MALRD1: variants seen among roughly 807,000 people sequenced by gnomAD.
MALRD1 encodes the protein MAM and LDL receptor class A domain containing 1, also known as MAM and LDL-receptor class A domain-containing protein 1.
A neutral mutation model predicts 242.1 loss-of-function variants in MALRD1; 247 were observed. That is an observed-to-expected ratio of 1.02 (90% confidence interval 0.92 to 1.13). MALRD1 has a LOEUF of 1.13. Ranked by LOEUF, MALRD1 falls within the 50% of genes most tolerant of loss-of-function variation. The probability of loss-of-function intolerance (pLI) is 0.00; values close to 1 mark genes in which losing one functional copy is unlikely to be tolerated. For missense variants in MALRD1, 2,989 were observed against 2,533.1 expected, an observed-to-expected ratio of 1.18 and a Z score of -3.86; for synonymous variants, 995 against 866.6, an observed-to-expected ratio of 1.15 and a Z score of -2.60.
chr10:19,648,767 G>T (rs1344340762), intron 36 of MALRD1, among the ~76,000 whole-genome samples: 3 of 152,086 alleles, frequency 2.0e-5, no homozygotes, highest in Non-Finnish European at 1.5e-5. Flanking sequence ...ATAGTTTTGG[G>T]AGTAAATGTG....
chr10:19,389,436 C>A lies in MALRD1; in HGVS notation c.4688-16C>A. 6.5e-7 allele frequency: 1 copy of A among 1,548,684 alleles called. No individual in the cohort carries two copies. Among genetic ancestry groups the A allele is most frequent in the African/African-American group, 1.4e-5 (1 of 73,094 alleles). ...TTGTTATTTCGTTCTTCTCTGAATTCTGTCCTTGTTCCTAGGGCACTTCAT... is the reference window on the plus strand; with the variant it reads ...TTGTTATTTCGTTCTTCTCTGAATTATGTCCTTGTTCCTAGGGCACTTCAT... On this transcript the variant is annotated splice_polypyrimidine_tract_variant and intron_variant, in intron 27 of 39. Coordinates refer to ENST00000454679, the MANE Select transcript of MALRD1 (RefSeq NM_001142308.3).
chr10:19,166,661 C>T (rs942866569), intron 13 of MALRD1, among the ~76,000 whole-genome samples: 1 of 152,070 alleles, frequency 6.6e-6, no homozygotes, highest in Non-Finnish European at 1.5e-5. Flanking sequence ...ACATTATATG[C>T]ATGTATCAAA....
intron 36 of MALRD1, among the ~76,000 whole-genome samples, chr10:19,670,913 C>T (rs959572034): frequency 1.4e-5 from 2 of 143,854 alleles, no homozygotes; most frequent in Non-Finnish European, 3.0e-5. Context: ...GAGTCTTGCT[C>T]TGTTGCCCGG....
At chr10:19,048,319 T>C (rs1834390415), upstream of MALRD1, among the ~76,000 whole-genome samples, 1 of 152,214 alleles carries the variant, frequency 6.6e-6, no homozygotes, top group South Asian at 2.1e-4. Flanking sequence ...CTATGGTTCT[T>C]AATTTATCTC....
chr10:19,383,657 A>G (rs1298126181), intron 26 of MALRD1, among the ~76,000 whole-genome samples: 1 of 152,108 alleles, frequency 6.6e-6, no homozygotes, highest in Admixed American at 6.6e-5. Flanking sequence ...TAATCCTTGT[A>G]ACTCTGAAAG....
At chr10:19,447,069 G>GACAC (rs374350237) in intron 28 of MALRD1, among the ~76,000 whole-genome samples, 26,425 of 141,654 alleles carry the variant, frequency 0.19, 2,710 homozygotes, top group East Asian at 0.31. Flanking sequence ...CACATACACA[G>GACAC]ACACACACAC....
chr10:19,594,740 A>G (rs1564469675), intron 33 of MALRD1, among the ~76,000 whole-genome samples: 1 of 152,166 alleles, frequency 6.6e-6, no homozygotes, highest in East Asian at 1.9e-4. Context: ...GGAATGGAAA[A>G]CTAAATATTG....
In MALRD1 at chr10:19,627,220, TA is replaced by T. The variant is rs533341100; in HGVS notation, c.6137+11298del. 2.1e-3 allele frequency among the ~76,000 whole-genome samples: 317 copies of T among 152,056 alleles called. 2 individuals carry two copies. The highest frequency in any genetic ancestry group is 6.2e-3 in the African/African-American group (258 of 41,502). On this transcript the variant is annotated intron_variant, in intron 36 of 39. Coordinates refer to ENST00000454679, the MANE Select transcript of MALRD1 (RefSeq NM_001142308.3). ...ACTTCAGAATTATTAAAAATATATA[TA>T]GGGGAAAAGCATAAAATTTCTTTGG...
At chr10:19,463,592 A>G (rs113265655) in intron 29 of MALRD1, among the ~76,000 whole-genome samples, 1,500 of 48,578 alleles carry the variant, frequency 0.031, 18 homozygotes, top group African/African-American at 0.084. Flanking sequence ...GTGTGTGTGT[A>G]TATACTCTTT....
At chr10:19,382,189 A>T (rs533516736) in intron 26 of MALRD1, among the ~76,000 whole-genome samples, 2 of 152,048 alleles carry the variant, frequency 1.3e-5, no homozygotes, top group South Asian at 4.1e-4. Flanking sequence ...AAATTCCAAA[A>T]CTCTAGATCA....
chr10:19,583,620 G>T lies in MALRD1; in HGVS notation c.5681-11574G>T, dbSNP rs1221002925. 5.9e-5 allele frequency among the ~76,000 whole-genome samples: 9 copies of T among 152,096 alleles called. No individual in the cohort carries two copies. In the South Asian group the frequency reaches 1.7e-3, roughly 28 times the overall value. On this transcript the variant is annotated intron_variant, in intron 33 of 39. Transcript: ENST00000454679. The stretch of plus-strand genomic sequence containing the variant: ...GCTTTTCGATGTGCTGCTGGATTCG[G>T]TTTGCCAGTATTTTATTGAGGATTT...
At chr10:19,048,091 A>C (rs187218044), upstream of MALRD1, among the ~76,000 whole-genome samples, 20 of 152,316 alleles carry the variant, frequency 1.3e-4, no homozygotes, top group Admixed American at 1.1e-3. Flanking sequence ...GCATCCTGAA[A>C]TCAGGTGTTT....
At chr10:19,426,486 C>A (rs1163648218) in intron 28 of MALRD1, among the ~76,000 whole-genome samples, 1 of 152,118 alleles carries the variant, frequency 6.6e-6, no homozygotes, top group African/African-American at 2.4e-5. Flanking sequence ...ATTTTTCCTA[C>A]TAGCCACATG....
At chr10:19,574,795 G>A (rs1836727321) in intron 33 of MALRD1, among the ~76,000 whole-genome samples, 1 of 152,118 alleles carries the variant, frequency 6.6e-6, no homozygotes, top group Admixed American at 6.5e-5. Flanking sequence ...GAAGGCACAG[G>A]GCATGACATG....
At position 19,275,858 on chromosome 10, in the gene MALRD1, T is replaced by C. The variant is rs145941785; in HGVS notation, c.3080-4189T>C. Reference sequence around the variant, plus strand: ...AAGGTAAGATGATTAATTGTAAATGTCTATTTCCATAAATATACATAATAT... The same window carrying C: ...AAGGTAAGATGATTAATTGTAAATGCCTATTTCCATAAATATACATAATAT... On this transcript the variant is annotated intron_variant, in intron 19 of 39. Transcript: ENST00000454679. Among the ~76,000 whole-genome samples the C allele has an allele frequency of 2.4e-4, 37 of 152,268 alleles. No individual in the cohort carries two copies. The East Asian group carries it at 7.2e-3, about 29-fold the overall frequency.
At chr10:19,515,925 A>G (rs61841394) in intron 31 of MALRD1, among the ~76,000 whole-genome samples, 31,394 of 152,092 alleles carry the variant, frequency 0.21, 5,014 homozygotes, top group African/African-American at 0.45. Context: ...GACATCATTC[A>G]CATGGGAATT....
At chr10:19,605,810 A>G (rs1219637865) in intron 34 of MALRD1, among the ~76,000 whole-genome samples, 9 of 151,628 alleles carry the variant, frequency 5.9e-5, no homozygotes, top group African/African-American at 2.2e-4. Flanking sequence ...GCTGTTTATC[A>G]CTCCTGTATT....
chr10:19,714,051 G>A (rs919142047), intron 38 of MALRD1, among the ~76,000 whole-genome samples: 5 of 152,132 alleles, frequency 3.3e-5, no homozygotes, highest in African/African-American at 7.2e-5. Context: ...CTCAGTGGGC[G>A]TGTGTTATAG....
At chr10:19,502,012 C>CAAAAAAAAAAAAAAAAA (rs1181159875) in intron 31 of MALRD1, among the ~76,000 whole-genome samples, 1 of 40,348 alleles carries the variant, frequency 2.5e-5, no homozygotes, top group Non-Finnish European at 4.4e-5. Context: ...GATTCTGTCT[C>CAAAAAAAAAAAAAAAAA]AAAAAAAAAA....
Sources: allele counts gnomAD v4.1 joint callset (sites outside exome capture counted in the v4.1 genomes callset), GRCh38; gene constraint gnomAD v4.1.1; transcripts MANE v1.5; gene names NCBI Gene and HGNC (gene_info 2026-07-23, HGNC 2026-07-21).